KCTD16: variants seen among roughly 807,000 people sequenced by gnomAD.
The protein encoded by KCTD16 is potassium channel tetramerization domain containing 16.
Under a neutral mutation model 33.2 loss-of-function variants are expected in KCTD16, and 13 were observed. That is an observed-to-expected ratio of 0.39 (90% CI 0.25 to 0.62). The LOEUF is 0.62. Ranked by LOEUF, KCTD16 falls within the 20% of genes least tolerant of loss-of-function variation. KCTD16 has a pLI of 0.50. For missense variants in KCTD16, 441 were observed against 525.1 expected (o/e 0.84, Z 1.57); for synonymous variants, 197 against 195.3 (o/e 1.01, Z -0.07).
chr5:144,400,197 G>T (rs1174250063), intron 3 of KCTD16, among the ~76,000 whole-genome samples: 1 of 152,218 alleles, frequency 6.6e-6, no homozygotes, highest in African/African-American at 2.4e-5. Flanking sequence ...CTGGACAGAG[G>T]AAGTACCTTG....
intron 3 of KCTD16, among the ~76,000 whole-genome samples, chr5:144,310,081 ATAT>A (rs1751720291): frequency 6.6e-6 from 1 of 151,774 alleles, no homozygotes; most frequent in South Asian, 2.1e-4. Context: ...TTAAAACTAG[ATAT>A]TATTCTCCTC....
intron 3 of KCTD16, among the ~76,000 whole-genome samples, chr5:144,382,476 C>A (rs1204227746): frequency 2.6e-5 from 4 of 152,128 alleles, no homozygotes; most frequent in Non-Finnish European, 5.9e-5. Context: ...CTATGCCCCT[C>A]GCCTCTGACA....
intron 2 of KCTD16, among the ~76,000 whole-genome samples, chr5:144,182,153 G>A (rs946679004): frequency 4.0e-5 from 6 of 151,498 alleles, no homozygotes; most frequent in East Asian, 1.9e-4. Context: ...TGCTGTTATC[G>A]CAGGATTATG....
intron 3 of KCTD16, among the ~76,000 whole-genome samples, chr5:144,373,654 T>G (rs1752019185): frequency 6.6e-6 from 1 of 152,138 alleles, no homozygotes; most frequent in South Asian, 2.1e-4. Context: ...TATAGGTCTG[T>G]TTATAGATCT....
At chr5:144,467,621 C>T (rs752431712) in intron 3 of KCTD16, among the ~76,000 whole-genome samples, 1 of 152,082 alleles carries the variant, frequency 6.6e-6, no homozygotes, top group Admixed American at 6.6e-5. Flanking sequence ...TAGAAAGATG[C>T]GTGGCTGGCA....
intron 3 of KCTD16, among the ~76,000 whole-genome samples, chr5:144,439,956 A>G (rs1753665590): frequency 1.3e-5 from 2 of 152,118 alleles, no homozygotes; most frequent in Admixed American, 6.6e-5. Context: ...ATCTAAAAAA[A>G]AAAAAACATA....
rs777823164 is a variant in KCTD16, at chr5:144,460,089, C to T, written c.833-13571C>T. On this transcript the variant is annotated intron_variant, in intron 3 of 3. Coordinates refer to ENST00000512467, the MANE Select transcript of KCTD16 (RefSeq NM_020768.4). The stretch of plus-strand genomic sequence containing the variant: ...CCTCGTGATCCGCCCGCCTCAGCCT[C>T]CCAAAGTGCTGGGATTACAGGCGTG... Among the ~76,000 whole-genome samples, 86 of 152,144 alleles carry T rather than the reference C, an allele frequency of 5.7e-4. 1 individual carries two copies. The highest frequency in any genetic ancestry group is 9.7e-4 in the Non-Finnish European group (66 of 68,032).
At chr5:144,321,191 A>G (rs1012873748) in intron 3 of KCTD16, among the ~76,000 whole-genome samples, 7 of 152,106 alleles carry the variant, frequency 4.6e-5, no homozygotes, top group African/African-American at 1.4e-4. Flanking sequence ...TTGCTACTCT[A>G]TTGGGAAACC....
intron 3 of KCTD16, among the ~76,000 whole-genome samples, chr5:144,315,430 T>G (rs1281936139): frequency 6.6e-6 from 1 of 152,192 alleles, no homozygotes; most frequent in Non-Finnish European, 1.5e-5. Context: ...ATTTTTATTT[T>G]TGCCAAGCAT....
At chr5:144,387,138 A>ATTTTTT (rs377558036) in intron 3 of KCTD16, among the ~76,000 whole-genome samples, 9 of 116,156 alleles carry the variant, frequency 7.7e-5, no homozygotes, top group South Asian at 2.9e-4. Context: ...GGCTAATTTA[A>ATTTTTT]TTTTTTTTTT....
At chr5:144,303,311 A>C (rs1294859097) in intron 3 of KCTD16, among the ~76,000 whole-genome samples, 4 of 152,324 alleles carry the variant, frequency 2.6e-5, no homozygotes, top group East Asian at 3.9e-4. Flanking sequence ...AAGCTGGGGA[A>C]GTGATTCTTT....
intron 3 of KCTD16, among the ~76,000 whole-genome samples, chr5:144,232,404 C>T (rs1005285522): frequency 3.9e-5 from 6 of 152,100 alleles, no homozygotes; most frequent in Non-Finnish European, 7.3e-5. Flanking sequence ...ATTATTTGAA[C>T]GTGTGAAGAA....
In KCTD16 at chr5:144,474,024, C is replaced by T. The variant is rs1199925227; in HGVS notation, c.1197C>T (p.Ile399=). Residue 399 remains isoleucine (I), a synonymous_variant, in exon 4 of 4, where the codon ATC becomes ATT. Transcript: ENST00000512467. ...TTGAGGAGGAGCTGGAGAAATGTAT[C>T]CAGGATTTCCTAAAAATCAAAATTC... ...LSIEEELEKC[I]QDFLKIKIPD... 1.2e-6 allele frequency: 2 copies of T among 1,613,760 alleles called. No individual in the cohort carries two copies. The highest frequency in any genetic ancestry group is 1.7e-5 in the Admixed American group (1 of 59,958).
At chr5:144,354,559 G>T (rs1309029850) in intron 3 of KCTD16, among the ~76,000 whole-genome samples, 1 of 152,108 alleles carries the variant, frequency 6.6e-6, no homozygotes, top group Non-Finnish European at 1.5e-5. Context: ...CTGCCATAAA[G>T]AAACACACAT....
intron 3 of KCTD16, among the ~76,000 whole-genome samples, chr5:144,273,639 T>G (rs1040554499): frequency 1.3e-5 from 2 of 151,952 alleles, no homozygotes; most frequent in African/African-American, 4.8e-5. Context: ...AGATGGAACT[T>G]AAGAACATTC....
intron 3 of KCTD16, among the ~76,000 whole-genome samples, chr5:144,336,512 C>A (rs1184227216): frequency 6.6e-6 from 1 of 152,160 alleles, no homozygotes; most frequent in Non-Finnish European, 1.5e-5. Context: ...ACTTCAGAAA[C>A]CTCTTTGCCC....
Position 144,321,632 on chromosome 5 carries a change from G to T in KCTD16, c.832+114086G>T, listed in dbSNP as rs147237947. On this transcript the variant is annotated intron_variant, in intron 3 of 3. Coordinates refer to ENST00000512467, the MANE Select transcript of KCTD16 (RefSeq NM_020768.4). ...ATGTAACTTAATTACTTCTTAGTTTGATTTGACGGCCTTATTCTATTAGAT... is the reference window on the plus strand; with the variant it reads ...ATGTAACTTAATTACTTCTTAGTTTTATTTGACGGCCTTATTCTATTAGAT... Among the ~76,000 whole-genome samples the T allele has an allele frequency of 2.4e-3, 370 of 152,232 alleles. 1 individual carries two copies. The highest frequency in any genetic ancestry group is 8.6e-3 in the African/African-American group (357 of 41,544).
intron 3 of KCTD16, among the ~76,000 whole-genome samples, chr5:144,297,888 T>G (rs1373416734): frequency 6.6e-6 from 1 of 152,188 alleles, no homozygotes; most frequent in Non-Finnish European, 1.5e-5. Context: ...TTCACTCTAT[T>G]AAATCTTGAA....
intron 3 of KCTD16, among the ~76,000 whole-genome samples, chr5:144,248,140 C>T (rs562244315): frequency 2.2e-4 from 33 of 151,894 alleles, no homozygotes; most frequent in Admixed American, 2.6e-4. Context: ...ATATACAGTA[C>T]GGGAGAAGGA....
Sources: allele counts gnomAD v4.1 joint callset (sites outside exome capture counted in the v4.1 genomes callset), GRCh38; gene constraint gnomAD v4.1.1; transcripts MANE v1.5; gene names NCBI Gene and HGNC (gene_info 2026-07-23, HGNC 2026-07-21).